The following ASPH variants were observed in gnomAD, a reference collection of about 807,000 sequenced individuals.
ASPH encodes the protein aspartate beta-hydroxylase, also known as aspartyl/asparaginyl beta-hydroxylase.
ASPH carries 100 observed loss-of-function variants against 118.4 expected under a neutral mutation model. The observed-to-expected ratio is 0.84, with a 90% CI of 0.72 to 1.00. The LOEUF (loss-of-function observed/expected upper bound fraction) is 1.00, where lower values mean the gene tolerates loss of function less well. Ranked by LOEUF, ASPH falls within the 50% of genes least tolerant of loss-of-function variation. The pLI is 0.00. For synonymous variants in ASPH, 315 were observed against 325.6 expected (o/e 0.97, Z 0.35); for missense variants, 920 against 919.5 (o/e 1.00, Z -0.01).
intron 3 of ASPH, among the ~76,000 whole-genome samples, chr8:61,674,390 T>A (rs1402245126): frequency 6.6e-6 from 1 of 152,212 alleles, no homozygotes; most frequent in Non-Finnish European, 1.5e-5. Flanking sequence ...TTAACTGAAG[T>A]CCTTGAATAT....
At chr8:61,628,827 T>A (rs1014349921) in intron 13 of ASPH, among the ~76,000 whole-genome samples, 3 of 152,168 alleles carry the variant, frequency 2.0e-5, no homozygotes, top group Non-Finnish European at 4.4e-5. Context: ...ACATTGTCAA[T>A]CATGTATCTT....
Position 61,503,055 on chromosome 8 carries a change from C to T in ASPH, c.*304G>A. ...GTTCTCATTATACATTGAATTAGACCTATTCTATGTGGAAAAAATATCTTT... is the reference window on the plus strand; with the variant it reads ...GTTCTCATTATACATTGAATTAGACTTATTCTATGTGGAAAAAATATCTTT... On this transcript the variant is annotated 3_prime_UTR_variant, in exon 25 of 25. Transcript: ENST00000379454. 1 of 233,968 alleles carries T rather than the reference C, an allele frequency of 4.3e-6. No homozygotes were observed. Among genetic ancestry groups the T allele is most frequent in the Non-Finnish European group, 8.2e-6 (1 of 122,244 alleles). The allele number at this position is 233,968 out of a possible 1,614,324, so 14.5% of individuals were successfully genotyped here.
intron 24 of ASPH, among the ~76,000 whole-genome samples, chr8:61,512,016 C>T (rs1809045173): frequency 6.6e-6 from 1 of 152,110 alleles, no homozygotes; most frequent in Non-Finnish European, 1.5e-5. Context: ...GAAACAAAAC[C>T]CAGCATTTGA....
At chr8:61,576,672 A>C in intron 16 of ASPH, 100 bp downstream of exon 16, 1 of 1,000,806 alleles carries the variant, frequency 1.0e-6, no homozygotes, top group Non-Finnish European at 1.5e-6. Flanking sequence ...CTGATTCTGT[A>C]GAGAAATTAG....
At chr8:61,647,957 C>T (rs954145708) in intron 5 of ASPH, among the ~76,000 whole-genome samples, 1 of 152,136 alleles carries the variant, frequency 6.6e-6, no homozygotes, top group Non-Finnish European at 1.5e-5. Flanking sequence ...CAGAGTATCT[C>T]CTGTGTATAA....
intron 1 of ASPH, among the ~76,000 whole-genome samples, chr8:61,698,580 G>A (rs1311924743): frequency 6.6e-6 from 1 of 152,192 alleles, no homozygotes; most frequent in Non-Finnish European, 1.5e-5. Flanking sequence ...ATGGTCACTA[G>A]TGATCAAGTT....
chr8:61,685,353 A>C (rs1384718885), intron 1 of ASPH, among the ~76,000 whole-genome samples: 1 of 152,190 alleles, frequency 6.6e-6, no homozygotes, highest in Non-Finnish European at 1.5e-5. Context: ...AGGAAGAAGG[A>C]CAGGAATAAT....
intron 18 of ASPH, among the ~76,000 whole-genome samples, chr8:61,560,200 C>T (rs138618324): frequency 4.5e-4 from 69 of 152,134 alleles, no homozygotes; most frequent in African/African-American, 1.5e-3. Flanking sequence ...TGAGCAGTGG[C>T]GGGTGAGTCA....
chr8:61,632,724 T>C, intron 13 of ASPH: 1 of 428,628 alleles, frequency 2.3e-6, no homozygotes, highest in South Asian at 1.8e-5. Context: ...ACCTAAGGCA[T>C]CCCACATATA....
At chr8:61,587,496 A>G (rs1839825306) in intron 14 of ASPH, among the ~76,000 whole-genome samples, 1 of 152,240 alleles carries the variant, frequency 6.6e-6, no homozygotes. Flanking sequence ...GTTTTCCCCA[A>G]CATGTCTCTT....
rs1830468764 is a variant in ASPH, at chr8:61,562,847, C to T, written c.1334G>A (p.Arg445Lys). The part of the protein sequence containing the change: ...HMRGSLLTLQ[R>K]LVQLFPNDTS... ...ATCATTGGGAAATAGTTGAACTAATCTCTGCAGGGTAAGCAGGGAACCTCT... is the reference window on the plus strand; with the variant it reads ...ATCATTGGGAAATAGTTGAACTAATTTCTGCAGGGTAAGCAGGGAACCTCT... Residue 445 changes from arginine (R) to lysine (K), a missense_variant, in exon 18 of 25, where the codon AGA becomes AAA. By Grantham distance (26) the Arg-to-Lys change is conservative. Transcript: ENST00000379454. 3 of 1,611,980 alleles carry T rather than the reference C, an allele frequency of 1.9e-6. No homozygotes were observed. The highest frequency in any genetic ancestry group is 1.7e-5 in the Admixed American group (1 of 59,544).
intron 6 of ASPH, among the ~76,000 whole-genome samples, chr8:61,645,632 T>A (rs7834478): frequency 0.18 from 27,767 of 152,174 alleles, 2,673 homozygotes; most frequent in South Asian, 0.35. Flanking sequence ...CAAAAATAAA[T>A]CATATAGATG....
chr8:61,545,045 G>A (rs752317600), intron 21 of ASPH, among the ~76,000 whole-genome samples: 2 of 152,214 alleles, frequency 1.3e-5, no homozygotes, highest in African/African-American at 2.4e-5. Flanking sequence ...TGTCTGGAAT[G>A]AGGATGGTAA....
At chr8:61,582,607 G>A (rs1267014876) in intron 15 of ASPH, among the ~76,000 whole-genome samples, 1 of 152,216 alleles carries the variant, frequency 6.6e-6, no homozygotes, top group Non-Finnish European at 1.5e-5. Context: ...ATTCTGTGGA[G>A]TTACTCTATT....
At chr8:61,598,666 C>T (rs780144897) in intron 14 of ASPH, among the ~76,000 whole-genome samples, 13 of 152,198 alleles carry the variant, frequency 8.5e-5, no homozygotes, top group Non-Finnish European at 1.6e-4. Context: ...TACAGAGCAT[C>T]ATATCCAACA....
At chr8:61,673,818 TCTCA>T (rs1356669554) in intron 3 of ASPH, among the ~76,000 whole-genome samples, 2 of 151,940 alleles carry the variant, frequency 1.3e-5, no homozygotes, top group Non-Finnish European at 2.9e-5. Flanking sequence ...ATTTTATCTC[TCTCA>T]CACACACACA....
intron 22 of ASPH, among the ~76,000 whole-genome samples, chr8:61,519,166 G>A (rs771922533): frequency 6.6e-6 from 1 of 152,008 alleles, no homozygotes; most frequent in Non-Finnish European, 1.5e-5. Flanking sequence ...GACTATGAAT[G>A]GTGCTATGTA....
chr8:61,549,678 T>C (rs914978701), intron 20 of ASPH, among the ~76,000 whole-genome samples: 2 of 152,354 alleles, frequency 1.3e-5, no homozygotes, highest in South Asian at 4.1e-4. Flanking sequence ...TGGTTATTTT[T>C]GTCCAACTAA....
chr8:61,578,393 C>G, intron 15 of ASPH: 2 of 1,604,190 alleles, frequency 1.2e-6, no homozygotes, highest in South Asian at 2.2e-5. Context: ...GTGGGGCCAG[C>G]GGCATGGGAG....
Sources: gnomAD v4.1 joint callset for allele counts (sites outside exome capture counted in the v4.1 genomes callset) on GRCh38, gnomAD v4.1.1 for gene constraint, MANE v1.5 for transcripts, NCBI Gene and HGNC (gene_info 2026-07-23, HGNC 2026-07-21) for gene names.